Variants in PCDHGB2 observed in about 807,000 individuals in gnomAD.
PCDHGB2 encodes the protein protocadherin gamma-B2.
PCDHGB2 carries 55 observed loss-of-function variants against 59.3 expected under a neutral mutation model. The observed-to-expected ratio is 0.93, with a 90% confidence interval of 0.75 to 1.16. PCDHGB2 has a LOEUF of 1.16. Among genes scored for constraint, PCDHGB2 ranks in the 50% most tolerant of loss-of-function variants. The probability of loss-of-function intolerance (pLI) is 0.00; values close to 1 mark genes in which losing one functional copy is unlikely to be tolerated. For missense variants in PCDHGB2, 1,228 were observed against 1,198.5 expected, an observed-to-expected ratio of 1.02 and a Z score of -0.36; for synonymous variants, 516 against 512.0, an observed-to-expected ratio of 1.01 and a Z score of -0.11.
chr5:141,387,766 T>G, intron 1 of PCDHGB2: 1 of 1,434,120 alleles, frequency 7.0e-7, no homozygotes, highest in Non-Finnish European at 9.3e-7. Context: ...AAAGAAGAAT[T>G]TTTTCTTGAA....
rs113341686 is a variant in PCDHGB2, at chr5:141,488,763, G to A, written c.2422-6044G>A. Among the ~76,000 whole-genome samples the A allele has an allele frequency of 6.6e-4, 101 of 152,264 alleles. 1 individual carries two copies. The highest frequency in any genetic ancestry group is 1.7e-3 in the African/African-American group (69 of 41,544). ...ATGCAGGAAGTTGCTGGGACAGAACGCTGAGGAGTTTTGTATCACTTTGTC... is the reference window on the plus strand; with the variant it reads ...ATGCAGGAAGTTGCTGGGACAGAACACTGAGGAGTTTTGTATCACTTTGTC... On this transcript the variant is annotated intron_variant, in intron 1 of 3. Coordinates refer to ENST00000522605, the MANE Select transcript of PCDHGB2 (RefSeq NM_018923.3).
At chr5:141,479,242 A>G (rs2099491093) in intron 1 of PCDHGB2, 1 of 152,320 alleles carries the variant, frequency 6.6e-6, no homozygotes, top group African/African-American at 2.4e-5. Context: ...AAACCCAAAG[A>G]TAACCATTTT....
intron 1 of PCDHGB2, chr5:141,478,531 C>G (rs771145308): frequency 1.2e-6 from 2 of 1,608,190 alleles, no homozygotes; most frequent in East Asian, 2.2e-5. Context: ...GTGCAGAGAG[C>G]GCCCCTCCCG....
intron 1 of PCDHGB2, chr5:141,393,329 C>T: frequency 6.2e-7 from 1 of 1,611,240 alleles, no homozygotes; most frequent in South Asian, 1.1e-5. Flanking sequence ...GCTACCAGCT[C>T]AGCCCCAATC....
intron 1 of PCDHGB2, chr5:141,408,406 G>T (rs750833105): frequency 5.0e-6 from 8 of 1,614,066 alleles, no homozygotes; most frequent in East Asian, 2.2e-5. Flanking sequence ...AGCTGCGAGT[G>T]AGCGCGGAGA....
chr5:141,437,116 GA>G (rs914218907), intron 1 of PCDHGB2, among the ~76,000 whole-genome samples: 4 of 152,150 alleles, frequency 2.6e-5, no homozygotes, highest in African/African-American at 9.7e-5. Flanking sequence ...GGATTTTTAG[GA>G]CACTTGTTGA....
At chr5:141,392,980 C>T (rs1327544903) in intron 1 of PCDHGB2, 1 of 1,613,716 alleles carries the variant, frequency 6.2e-7, no homozygotes, top group Non-Finnish European at 8.5e-7. Context: ...GGGCTGGACC[C>T]CCGGAAGCTG....
At position 141,387,642 on chromosome 5, in the gene PCDHGB2, C is replaced by A. The variant is rs554256672; in HGVS notation, c.2421+25086C>A. The A allele has an allele frequency of 6.9e-5, 43 of 622,250 alleles. No homozygotes were observed. In the African/African-American group the frequency reaches 7.8e-4, roughly 11 times the overall value. 38.5% of individuals were successfully genotyped at this position (622,250 alleles called of 1,614,324 possible). On this transcript the variant is annotated intron_variant, in intron 1 of 3. Transcript: ENST00000522605. ...TGCTGACTCTGGGCGCCGCTGTTGG[C>A]CAAAGTGGAGAGCTTGGCGCTCCAG...
chr5:141,382,904 C>T (rs1286843210), intron 1 of PCDHGB2: 3 of 1,543,132 alleles, frequency 1.9e-6, no homozygotes, highest in Non-Finnish European at 1.7e-6. Flanking sequence ...ACGACTATGG[C>T]GGCTCAGCCG....
chr5:141,410,079 T>A, intron 1 of PCDHGB2: 1 of 1,612,494 alleles, frequency 6.2e-7, no homozygotes, highest in Non-Finnish European at 8.5e-7. Context: ...ACTGGGGAGG[T>A]GCGCACGGCT....
Position 141,477,148 on chromosome 5 carries a change from T to A in PCDHGB2, c.2422-17659T>A. 1 of 1,614,172 alleles carries A rather than the reference T, an allele frequency of 6.2e-7. No individual in the cohort carries two copies. Among genetic ancestry groups the A allele is most frequent in the African/African-American group, 1.3e-5 (1 of 75,050 alleles). On this transcript the variant is annotated intron_variant, in intron 1 of 3. Transcript: ENST00000522605. This position sits in a 1 kb window ranked among gnomAD's most constrained non-coding sequence, Gnocchi z 4.9. ...GCAAAGTGTTGGTGGAGGTTGTGGA[T>A]GTGAATGACAACGCCCCGGAGATCA...
In PCDHGB2 at chr5:141,388,635, C is replaced by A. The variant is rs1441074974; in HGVS notation, c.2421+26079C>A. The A allele has an allele frequency of 4.3e-6, 7 of 1,613,896 alleles. No homozygotes were observed. The highest frequency in any genetic ancestry group is 5.9e-6 in the Non-Finnish European group (7 of 1,179,864). On this transcript the variant is annotated intron_variant, in intron 1 of 3. Transcript: ENST00000522605. ...CAGTCAAGACGTATACAGGGTGAGC[C>A]TTTCAGAAAACGTGTACCCGGGGAC...
chr5:141,478,822 T>A, intron 1 of PCDHGB2: 2 of 1,444,070 alleles, frequency 1.4e-6, no homozygotes, highest in South Asian at 1.5e-5. Context: ...AACTAACCAA[T>A]CTTGCTAAGG....
intron 2 of PCDHGB2, 103 bp from the exon 3 acceptor site, chr5:141,505,290 G>A: frequency 3.2e-6 from 5 of 1,564,680 alleles, no homozygotes; most frequent in Non-Finnish European, 4.3e-6. Context: ...TTGGGCATGG[G>A]GTAGGGTTAG....
chr5:141,421,854 C>CCTG (rs761444125), intron 1 of PCDHGB2: 2 of 1,613,762 alleles, frequency 1.2e-6, no homozygotes, highest in Non-Finnish European at 1.7e-6. Flanking sequence ...AGGCTGCTCA[C>CCTG]CTGCTCCTCC....
intron 1 of PCDHGB2, chr5:141,419,639 G>A (rs1478835703): frequency 6.2e-7 from 1 of 1,612,442 alleles, no homozygotes; most frequent in African/African-American, 1.3e-5. Flanking sequence ...GGTGGTGGCC[G>A]TGGACGCGGA....
chr5:141,388,706 T>C (rs1189291267), intron 1 of PCDHGB2: 2 of 1,613,856 alleles, frequency 1.2e-6, no homozygotes, highest in African/African-American at 2.7e-5. Flanking sequence ...AGGGTGTCAA[T>C]GCCGAGATTA....
intron 1 of PCDHGB2, chr5:141,423,852 GT>G (rs971165220): frequency 2.5e-5 from 32 of 1,279,282 alleles, no homozygotes; most frequent in Non-Finnish European, 3.0e-5. Context: ...CTTTCAGAAC[GT>G]TTTTGTGAAA....
intron 1 of PCDHGB2, chr5:141,377,472 TG>T (rs1191503778): frequency 6.6e-6 from 1 of 152,084 alleles, no homozygotes; most frequent in Non-Finnish European, 1.5e-5. Flanking sequence ...GGCGTACACC[TG>T]TAGTCCCAGC....
Sources: allele counts gnomAD v4.1 joint callset (sites outside exome capture counted in the v4.1 genomes callset), GRCh38; gene constraint gnomAD v4.1.1; non-coding constraint Gnocchi (gnomAD v3.1); transcripts MANE v1.5; gene names NCBI Gene and HGNC (gene_info 2026-07-23, HGNC 2026-07-21).